Variants in BMPR1B observed in about 807,000 individuals in gnomAD.
BMPR1B encodes the protein bone morphogenetic protein receptor type-1B.
Under a neutral mutation model 59.1 loss-of-function variants are expected in BMPR1B, and 12 were observed. The observed-to-expected ratio is 0.20, with a 90% confidence interval of 0.13 to 0.33. The LOEUF (loss-of-function observed/expected upper bound fraction) is 0.33, where lower values mean the gene tolerates loss of function less well. BMPR1B is among the 10% of genes least tolerant of loss of function. BMPR1B has a pLI of 1.00. For synonymous variants in BMPR1B, 237 were observed against 207.3 expected (o/e 1.14, Z -1.23); for missense variants, 550 against 610.9 (o/e 0.90, Z 1.05).
chr4:95,097,206 CTG>C (rs1730493084), intron 3 of BMPR1B, among the ~76,000 whole-genome samples: 2 of 149,214 alleles, frequency 1.3e-5, no homozygotes. Context: ...TGGATTTACA[CTG>C]TTTTAAAGAT....
intron 2 of BMPR1B, among the ~76,000 whole-genome samples, chr4:94,949,595 C>T (rs1729852668): frequency 2.5e-5 from 1 of 40,676 alleles, no homozygotes; most frequent in Admixed American, 1.9e-4. Context: ...GGATTACAGG[C>T]GTGAGCCACC....
At chr4:94,768,273 T>A (rs763678317) in intron 1 of BMPR1B, among the ~76,000 whole-genome samples, 1 of 152,132 alleles carries the variant, frequency 6.6e-6, no homozygotes, top group Non-Finnish European at 1.5e-5. Flanking sequence ...TTTTATATGC[T>A]TGGTACAAGG....
chr4:95,080,783 A>G (rs1729078972), intron 3 of BMPR1B, among the ~76,000 whole-genome samples: 1 of 152,200 alleles, frequency 6.6e-6, no homozygotes, highest in South Asian at 2.1e-4. Context: ...AAATAAAAGG[A>G]AGCTTCATTT....
At chr4:95,151,614 G>C (rs2149329191) in intron 11 of BMPR1B, among the ~76,000 whole-genome samples, 1 of 152,250 alleles carries the variant, frequency 6.6e-6, no homozygotes, top group Admixed American at 6.5e-5. Flanking sequence ...TGAACCTTCT[G>C]GTCCTTGATG....
intron 1 of BMPR1B, among the ~76,000 whole-genome samples, chr4:94,845,252 G>C (rs9992130): frequency 2.6e-5 from 4 of 151,596 alleles, no homozygotes; most frequent in Admixed American, 2.0e-4. Context: ...TAAAAATTTC[G>C]GTTCAATATC....
intron 1 of BMPR1B, among the ~76,000 whole-genome samples, chr4:94,830,108 A>G (rs1311565411): frequency 1.3e-5 from 2 of 152,216 alleles, no homozygotes; most frequent in Non-Finnish European, 2.9e-5. Flanking sequence ...AGGTCATCAT[A>G]GAAAGTATGT....
At chr4:94,948,442 A>G (rs1056316648) in intron 2 of BMPR1B, among the ~76,000 whole-genome samples, 2 of 152,220 alleles carry the variant, frequency 1.3e-5, no homozygotes, top group Non-Finnish European at 2.9e-5. Context: ...AGCCAAATAT[A>G]TGAAAGTCAA....
chr4:95,127,419 C>T (rs1453842912), intron 8 of BMPR1B, among the ~76,000 whole-genome samples: 1 of 151,774 alleles, frequency 6.6e-6, no homozygotes, highest in Non-Finnish European at 1.5e-5. Context: ...TATCAAGTAT[C>T]GCCAATTCTG....
At chr4:94,888,966 C>T (rs1328198054) in intron 2 of BMPR1B, among the ~76,000 whole-genome samples, 1 of 151,770 alleles carries the variant, frequency 6.6e-6, no homozygotes, top group Non-Finnish European at 1.5e-5. Flanking sequence ...ATTTGTAATA[C>T]ATAATATAAA....
intron 2 of BMPR1B, among the ~76,000 whole-genome samples, chr4:94,926,195 C>T (rs1304998645): frequency 6.6e-6 from 1 of 151,436 alleles, no homozygotes; most frequent in Non-Finnish European, 1.5e-5. Context: ...GATGAATGCC[C>T]AGGAAAGAAT....
At chr4:95,083,091 G>T (rs1466294035) in intron 3 of BMPR1B, among the ~76,000 whole-genome samples, 3 of 149,814 alleles carry the variant, frequency 2.0e-5, no homozygotes, top group Non-Finnish European at 4.4e-5. Flanking sequence ...TACAAGAGAG[G>T]TTAGAGAATT....
intron 1 of BMPR1B, among the ~76,000 whole-genome samples, chr4:94,776,807 A>C (rs1722387095): frequency 6.6e-6 from 1 of 152,208 alleles, no homozygotes; most frequent in Non-Finnish European, 1.5e-5. Context: ...AACATTATAA[A>C]ATACAGGAAA....
At chr4:94,837,284 C>G (rs1157899068) in intron 1 of BMPR1B, among the ~76,000 whole-genome samples, 1 of 149,692 alleles carries the variant, frequency 6.7e-6, no homozygotes, top group Non-Finnish European at 1.5e-5. Context: ...AGTTTTTTTC[C>G]ATTTCTGTGA....
At chr4:94,814,168 A>G (rs886082310) in intron 1 of BMPR1B, among the ~76,000 whole-genome samples, 8 of 152,226 alleles carry the variant, frequency 5.3e-5, no homozygotes, top group Admixed American at 2.6e-4. Context: ...ACACTTTAGC[A>G]TGAAAAAAGA....
At chr4:94,993,106 G>C (rs573284064) in intron 2 of BMPR1B, among the ~76,000 whole-genome samples, 23 of 152,068 alleles carry the variant, frequency 1.5e-4, no homozygotes, top group Non-Finnish European at 3.1e-4. Context: ...TCCCAGGCTG[G>C]TCTCGAACTT....
rs1734136555 is a variant in BMPR1B, at chr4:95,140,352, C to T, written c.1077-8396C>T. Among the ~76,000 whole-genome samples, 4 of 152,206 alleles carry T rather than the reference C, an allele frequency of 2.6e-5. No homozygotes were observed. In the South Asian group the frequency reaches 8.3e-4, roughly 31 times the overall value. On this transcript the variant is annotated intron_variant, in intron 10 of 12. Transcript: ENST00000515059. Reference sequence around the variant, plus strand: ...CCTAACACCAGAGATCCTACACATTCTGGACGAAATCCCCCTTTCTAATCT... The same window carrying T: ...CCTAACACCAGAGATCCTACACATTTTGGACGAAATCCCCCTTTCTAATCT...
At chr4:95,109,055 T>C (rs1258178389) in intron 4 of BMPR1B, among the ~76,000 whole-genome samples, 1 of 152,186 alleles carries the variant, frequency 6.6e-6, no homozygotes, top group Non-Finnish European at 1.5e-5. Flanking sequence ...TATCATTCCT[T>C]GTTTTACTTG....
In BMPR1B at chr4:95,110,560, A is replaced by G. The variant is rs562121495; in HGVS notation, c.144-4160A>G. ...TTCACGCTATATTCCGTCCACTGCT[A>G]TGGGAATCCATCATCTAAGATGATA... On this transcript the variant is annotated intron_variant, in intron 4 of 12. Coordinates refer to ENST00000515059, the MANE Select transcript of BMPR1B (RefSeq NM_001203.3). 3.2e-4 allele frequency among the ~76,000 whole-genome samples: 49 copies of G among 152,276 alleles called. No homozygotes were observed. The South Asian group carries it at 8.9e-3, about 28-fold the overall frequency.
intron 2 of BMPR1B, among the ~76,000 whole-genome samples, chr4:94,880,978 G>C (rs1000582940): frequency 6.6e-6 from 1 of 152,124 alleles, no homozygotes; most frequent in Non-Finnish European, 1.5e-5. Context: ...AAATTCTTGT[G>C]TGTGGAAAAG....
Sources: gnomAD v4.1 joint callset for allele counts (sites outside exome capture counted in the v4.1 genomes callset) on GRCh38, gnomAD v4.1.1 for gene constraint, MANE v1.5 for transcripts, NCBI Gene and HGNC (gene_info 2026-07-23, HGNC 2026-07-21) for gene names.